Variants in LIN7A observed in about 807,000 individuals in gnomAD.
LIN7A encodes lin-7 cell polarity scaffold A, also known as protein lin-7 homolog A.
In LIN7A, 25 loss-of-function variants were observed where a neutral mutation model predicts 29.8. The observed-to-expected ratio is 0.84, with a 90% CI of 0.61 to 1.17. The LOEUF is 1.17. LIN7A is among the 50% of genes most tolerant of loss of function. The pLI, the probability that LIN7A is intolerant of heterozygous loss-of-function variation, is 0.00. For synonymous variants in LIN7A, 118 were observed against 107.5 expected (o/e 1.10, Z -0.60); for missense variants, 239 against 287.0 (o/e 0.83, Z 1.21).
At chr12:80,933,236 A>G (rs1878013121) in intron 1 of LIN7A, among the ~76,000 whole-genome samples, 1 of 152,100 alleles carries the variant, frequency 6.6e-6, no homozygotes, top group Non-Finnish European at 1.5e-5. Context: ...TGATCTATAG[A>G]TTTTCTTAAT....
intron 2 of LIN7A, among the ~76,000 whole-genome samples, chr12:80,878,700 AGTGCTGATTGGTCCATTTTACAGT>A (rs1373416131): frequency 1.0e-3 from 155 of 152,150 alleles, no homozygotes; most frequent in African/African-American, 3.5e-3. Context: ...CATTTTACAG[AGTGCTGATTGGTCCATTTTACAGT>A]GTGCTGATTG....
chr12:80,912,360 A>G (rs961445829), intron 1 of LIN7A, among the ~76,000 whole-genome samples: 3 of 152,196 alleles, frequency 2.0e-5, no homozygotes, highest in Non-Finnish European at 2.9e-5. Flanking sequence ...AAACATTTGT[A>G]ACTGAATTAG....
At chr12:80,863,307 A>T (rs1253282376) in intron 2 of LIN7A, among the ~76,000 whole-genome samples, 1 of 152,226 alleles carries the variant, frequency 6.6e-6, no homozygotes, top group East Asian at 1.9e-4. Flanking sequence ...TAGATAATTG[A>T]TATAGAGGCA....
intron 2 of LIN7A, among the ~76,000 whole-genome samples, chr12:80,867,662 T>C (rs960773343): frequency 2.8e-4 from 42 of 152,212 alleles, no homozygotes; most frequent in Non-Finnish European, 5.7e-4. Flanking sequence ...TGCTCCATAA[T>C]AATGAGACAT....
chr12:80,853,774 G>A (rs925097416), intron 2 of LIN7A, among the ~76,000 whole-genome samples: 8 of 152,142 alleles, frequency 5.3e-5, no homozygotes, highest in Non-Finnish European at 1.0e-4. Flanking sequence ...TCGTCTCACT[G>A]TAATCTCTGC....
chr12:80,911,943 G>A (rs977325202), intron 1 of LIN7A, among the ~76,000 whole-genome samples: 3 of 151,942 alleles, frequency 2.0e-5, no homozygotes, highest in Non-Finnish European at 4.4e-5. Flanking sequence ...TAATACATAC[G>A]TTGAATACGT....
At chr12:80,868,343 C>T (rs879758606) in intron 2 of LIN7A, among the ~76,000 whole-genome samples, 5 of 152,266 alleles carry the variant, frequency 3.3e-5, no homozygotes, top group Non-Finnish European at 7.4e-5. Context: ...CCAAGGCGGG[C>T]AGATCACCTG....
intron 5 of LIN7A, among the ~76,000 whole-genome samples, chr12:80,809,896 GTAA>G (rs1347491776): frequency 2.0e-5 from 3 of 152,084 alleles, no homozygotes; most frequent in African/African-American, 7.2e-5. Flanking sequence ...TCATTGACAA[GTAA>G]TAATTTTATA....
intron 4 of LIN7A, among the ~76,000 whole-genome samples, chr12:80,845,212 G>A (rs1458273146): frequency 1.4e-5 from 2 of 145,526 alleles, no homozygotes; most frequent in African/African-American, 2.6e-5. Flanking sequence ...ACTCCAGCCT[G>A]GGGGACAGTG....
chr12:80,808,772 T>C (rs940386059), intron 5 of LIN7A, among the ~76,000 whole-genome samples: 1 of 152,332 alleles, frequency 6.6e-6, no homozygotes, highest in Non-Finnish European at 1.5e-5. Flanking sequence ...CCCAAAGTGC[T>C]GGGATTACAG....
intron 1 of LIN7A, among the ~76,000 whole-genome samples, chr12:80,919,002 T>C (rs1877163926): frequency 6.6e-6 from 1 of 152,218 alleles, no homozygotes. Context: ...CTAGGAGCAA[T>C]AGGCTATACC....
intron 5 of LIN7A, among the ~76,000 whole-genome samples, chr12:80,800,489 CAAAAAAAAAAAAA>C (rs55772850): frequency 2.0e-3 from 77 of 38,092 alleles, no homozygotes; most frequent in Admixed American, 6.8e-3. Flanking sequence ...AACTCCGTCT[CAAAAAAAAAAAAA>C]AAAAAAAAAA....
At chr12:80,937,544 G>A (rs933501433) in intron 1 of LIN7A, 97 bp downstream of exon 1, 3 of 867,070 alleles carry the variant, frequency 3.5e-6, no homozygotes, top group Non-Finnish European at 4.9e-6. Flanking sequence ...TTCTCCTCCT[G>A]CCTGAGCGCG....
chr12:80,932,916 A>G (rs1877992948), intron 1 of LIN7A, among the ~76,000 whole-genome samples: 1 of 152,194 alleles, frequency 6.6e-6, no homozygotes, highest in South Asian at 2.1e-4. Context: ...TTAAAATCTG[A>G]GCAAACTAAC....
At chr12:80,802,215 G>A (rs767436758) in intron 5 of LIN7A, among the ~76,000 whole-genome samples, 7 of 151,930 alleles carry the variant, frequency 4.6e-5, no homozygotes, top group African/African-American at 9.7e-5. Context: ...TTAAGATTCC[G>A]CTTATAAGTG....
At chr12:80,876,677 G>A (rs1330831178) in intron 2 of LIN7A, among the ~76,000 whole-genome samples, 4 of 152,114 alleles carry the variant, frequency 2.6e-5, no homozygotes, top group Non-Finnish European at 5.9e-5. Context: ...ACTGCAATAA[G>A]ACCCCATTGC....
Position 80,794,114 on chromosome 12 carries a change from C to T in LIN7A, c.*3613G>A, listed in dbSNP as rs1286554631. On this transcript the variant is annotated 3_prime_UTR_variant, in exon 6 of 6. Coordinates refer to ENST00000552864, the MANE Select transcript of LIN7A (RefSeq NM_004664.4). ...CCATGAAACTTAGAAATCATAGTGA[C>T]AATCAGTATAATATAAGCTGGTAAA... The T allele has an allele frequency of 2.0e-5, 3 of 152,122 alleles. No homozygotes were observed. Among genetic ancestry groups the T allele is most frequent in the African/African-American group, 7.2e-5 (3 of 41,430 alleles). 9.4% of individuals were successfully genotyped at this position (152,122 alleles called of 1,614,324 possible). A position where few individuals can be genotyped will look rare whatever the true frequency, so the allele number is the denominator to read the frequency against.
At chr12:80,858,425 A>G (rs1873706793) in intron 2 of LIN7A, among the ~76,000 whole-genome samples, 1 of 152,176 alleles carries the variant, frequency 6.6e-6, no homozygotes, top group Non-Finnish European at 1.5e-5. Flanking sequence ...TCATTTAATA[A>G]CTTCAAGGAA....
chr12:80,855,584 A>G (rs1181099681), intron 2 of LIN7A, among the ~76,000 whole-genome samples: 1 of 152,164 alleles, frequency 6.6e-6, no homozygotes, highest in Non-Finnish European at 1.5e-5. Flanking sequence ...ATTAAGCCAT[A>G]ATGTATTTAT....
Sources: gnomAD v4.1 joint callset for allele counts (sites outside exome capture counted in the v4.1 genomes callset) on GRCh38, gnomAD v4.1.1 for gene constraint, MANE v1.5 for transcripts, NCBI Gene and HGNC (gene_info 2026-07-23, HGNC 2026-07-21) for gene names.